Variants in AGBL4 observed in about 807,000 individuals in gnomAD.
AGBL4 encodes cytosolic carboxypeptidase 6.
In AGBL4, 58 loss-of-function variants were observed where a neutral mutation model predicts 66.4. The ratio of observed to expected loss-of-function variants is 0.87; its 90% CI spans 0.71 to 1.09. The LOEUF is 1.09. AGBL4 is among the 50% of genes least tolerant of loss of function. AGBL4 has a pLI of 0.00. For synonymous variants in AGBL4, 234 were observed against 222.9 expected, an observed-to-expected ratio of 1.05 and a Z score of -0.44; for missense variants, 579 against 631.0, an observed-to-expected ratio of 0.92 and a Z score of 0.88.
chr1:49,137,805 G>A (rs1302101102), intron 4 of AGBL4, among the ~76,000 whole-genome samples: 1 of 152,010 alleles, frequency 6.6e-6, no homozygotes, highest in Non-Finnish European at 1.5e-5. Context: ...CATCTTCTCA[G>A]ACATTTAAAT....
intron 5 of AGBL4, among the ~76,000 whole-genome samples, chr1:49,000,493 T>G (rs1162047698): frequency 1.3e-5 from 2 of 152,214 alleles, no homozygotes; most frequent in Admixed American, 6.5e-5. Context: ...GGCTTTGGAT[T>G]TGATTAATAC....
chr1:49,975,034 G>T (rs1196920775), intron 1 of AGBL4, among the ~76,000 whole-genome samples: 2 of 152,122 alleles, frequency 1.3e-5, no homozygotes, highest in African/African-American at 2.4e-5. Flanking sequence ...GATATCAAAT[G>T]ATGTGGTAGT....
At chr1:48,656,571 G>T (rs1646024039) in intron 7 of AGBL4, among the ~76,000 whole-genome samples, 2 of 152,242 alleles carry the variant, frequency 1.3e-5, no homozygotes, top group South Asian at 4.1e-4. Context: ...TGGGGCCCCA[G>T]AAGAGATATT....
chr1:49,638,939 G>A (rs1645728579), intron 3 of AGBL4, among the ~76,000 whole-genome samples: 3 of 152,148 alleles, frequency 2.0e-5, no homozygotes, highest in Admixed American at 2.0e-4. Context: ...GGGCACTTGA[G>A]GTCTAGCTAA....
intron 2 of AGBL4, among the ~76,000 whole-genome samples, chr1:49,702,409 T>C (rs1403692644): frequency 6.6e-6 from 1 of 152,092 alleles, no homozygotes; most frequent in Non-Finnish European, 1.5e-5. Flanking sequence ...GAGAATCACT[T>C]GATCCCGGGA....
intron 3 of AGBL4, among the ~76,000 whole-genome samples, chr1:49,672,189 A>G (rs1212832798): frequency 6.6e-6 from 1 of 152,206 alleles, no homozygotes; most frequent in Admixed American, 6.5e-5. Context: ...CTGCAAGAAC[A>G]TGGATGGAGT....
chr1:48,546,743 T>TA lies in AGBL4; in HGVS notation c.1268-7006dup, dbSNP rs1444087661. On this transcript the variant is annotated intron_variant, in intron 11 of 13. Coordinates refer to ENST00000371839, the MANE Select transcript of AGBL4 (RefSeq NM_032785.4). The stretch of plus-strand genomic sequence containing the variant: ...ATTTAATATCATCTACTATGTTTAT[T>TA]ATGTTCAGGCTTTTTGGAAGGCTCA... 2.6e-5 allele frequency among the ~76,000 whole-genome samples: 4 copies of TA among 152,098 alleles called. No homozygotes were observed. In the East Asian group the frequency reaches 7.7e-4, roughly 29 times the overall value.
chr1:49,562,892 C>T (rs1418420065), intron 3 of AGBL4, among the ~76,000 whole-genome samples: 7 of 151,772 alleles, frequency 4.6e-5, no homozygotes, highest in Non-Finnish European at 8.8e-5. Context: ...CTATAAATTA[C>T]CTTGGGCAGT....
intron 6 of AGBL4, among the ~76,000 whole-genome samples, chr1:48,795,605 C>T (rs751375503): frequency 6.6e-6 from 1 of 152,170 alleles, no homozygotes; most frequent in Non-Finnish European, 1.5e-5. Context: ...ATTCATATTT[C>T]ACCAGTTCTA....
chr1:49,722,640 T>C (rs1313848066), intron 2 of AGBL4, among the ~76,000 whole-genome samples: 1 of 152,166 alleles, frequency 6.6e-6, no homozygotes, highest in Non-Finnish European at 1.5e-5. Flanking sequence ...TTCTGATACA[T>C]GTTTTTAAGT....
intron 3 of AGBL4, among the ~76,000 whole-genome samples, chr1:49,644,300 A>T (rs962044985): frequency 4.6e-5 from 7 of 151,612 alleles, no homozygotes; most frequent in African/African-American, 1.7e-4. Flanking sequence ...AACACAGAAT[A>T]GACAAATAAT....
chr1:48,758,449 C>T (rs1477242598), intron 6 of AGBL4, among the ~76,000 whole-genome samples: 5 of 152,238 alleles, frequency 3.3e-5, no homozygotes, highest in African/African-American at 7.2e-5. Flanking sequence ...CAAATAACCT[C>T]TCCAACCCCT....
At chr1:49,179,909 T>C (rs1646899209) in intron 4 of AGBL4, among the ~76,000 whole-genome samples, 1 of 151,892 alleles carries the variant, frequency 6.6e-6, no homozygotes, top group African/African-American at 2.4e-5. Context: ...TTATTTTTTT[T>C]TTATTTTTTG....
At chr1:49,705,196 T>C (rs1647185640) in intron 2 of AGBL4, among the ~76,000 whole-genome samples, 1 of 152,184 alleles carries the variant, frequency 6.6e-6, no homozygotes. Context: ...CAACTGTGAA[T>C]AGTAGTTAAC....
At chr1:49,769,526 A>G (rs2147879675) in intron 2 of AGBL4, among the ~76,000 whole-genome samples, 1 of 152,316 alleles carries the variant, frequency 6.6e-6, no homozygotes, top group East Asian at 1.9e-4. Context: ...AAGCAGAAAA[A>G]GAAAGAGCCA....
chr1:48,769,344 G>A (rs546418924), intron 6 of AGBL4, among the ~76,000 whole-genome samples: 1 of 152,118 alleles, frequency 6.6e-6, no homozygotes, highest in Non-Finnish European at 1.5e-5. Flanking sequence ...ACAGGACTGG[G>A]GCACAGAAAA....
intron 6 of AGBL4, among the ~76,000 whole-genome samples, chr1:48,825,482 GTA>G (rs1646408177): frequency 6.6e-6 from 1 of 152,138 alleles, no homozygotes; most frequent in Non-Finnish European, 1.5e-5. Context: ...GAGTTTGTCT[GTA>G]TATATTTGTG....
At chr1:49,453,212 A>G (rs1268886859) in intron 3 of AGBL4, among the ~76,000 whole-genome samples, 1 of 151,938 alleles carries the variant, frequency 6.6e-6, no homozygotes, top group Non-Finnish European at 1.5e-5. Context: ...ATTCATTAAC[A>G]AATTCTTTAA....
At chr1:49,713,400 CATAG>C (rs1647824760) in intron 2 of AGBL4, among the ~76,000 whole-genome samples, 1 of 151,972 alleles carries the variant, frequency 6.6e-6, no homozygotes, top group African/African-American at 2.4e-5. Flanking sequence ...AATTCATTAA[CATAG>C]ATAGTTCTAT....
Sources: allele counts gnomAD v4.1 joint callset (sites outside exome capture counted in the v4.1 genomes callset), GRCh38; gene constraint gnomAD v4.1.1; transcripts MANE v1.5; gene names NCBI Gene and HGNC (gene_info 2026-07-23, HGNC 2026-07-21).